Variants in TMTC1 observed in about 807,000 individuals in gnomAD.
TMTC1 encodes the protein transmembrane O-mannosyltransferase targeting cadherins 1.
TMTC1 carries 73 observed loss-of-function variants against 104.8 expected under a neutral mutation model. The ratio of observed to expected loss-of-function variants is 0.70; its 90% CI spans 0.58 to 0.85. The LOEUF (loss-of-function observed/expected upper bound fraction) is 0.85. Ranked by LOEUF, TMTC1 falls within the 40% of genes least tolerant of loss-of-function variation. TMTC1 has a pLI of 0.00. For synonymous variants in TMTC1, 434 were observed against 428.7 expected (o/e 1.01, Z -0.15); for missense variants, 1,035 against 1,096.1 (o/e 0.94, Z 0.79).
At chr12:29,544,746 T>C (rs1738978570) in intron 10 of TMTC1, among the ~76,000 whole-genome samples, 1 of 152,218 alleles carries the variant, frequency 6.6e-6, no homozygotes, top group Non-Finnish European at 1.5e-5. Context: ...TGCTCCCAGG[T>C]AGGGACCTAA....
intron 8 of TMTC1, among the ~76,000 whole-genome samples, chr12:29,573,379 C>A (rs1945734624): frequency 6.6e-6 from 1 of 152,216 alleles, no homozygotes. Context: ...GCAAGCATTT[C>A]TCTAAGCTGA....
chr12:29,662,227 C>G (rs1940063291), intron 5 of TMTC1, among the ~76,000 whole-genome samples: 1 of 152,032 alleles, frequency 6.6e-6, no homozygotes, highest in African/African-American at 2.4e-5. Context: ...GGGGTTTTCC[C>G]CAACAAAATT....
At chr12:29,668,707 C>A (rs549709216) in intron 5 of TMTC1, among the ~76,000 whole-genome samples, 2 of 152,064 alleles carry the variant, frequency 1.3e-5, no homozygotes, top group African/African-American at 4.8e-5. Flanking sequence ...GTGATCCACC[C>A]ACCTTGGCCT....
At chr12:29,780,592 G>A (rs1396689218) in intron 1 of TMTC1, among the ~76,000 whole-genome samples, 1 of 148,918 alleles carries the variant, frequency 6.7e-6, no homozygotes, top group Non-Finnish European at 1.5e-5. Context: ...CTTGACTGTG[G>A]AGGTACTCTC....
At chr12:29,568,060 A>G (rs548701458) in intron 9 of TMTC1, among the ~76,000 whole-genome samples, 35 of 152,334 alleles carry the variant, frequency 2.3e-4, no homozygotes, top group African/African-American at 8.4e-4. Flanking sequence ...CCTGTGATCC[A>G]TATGGGAGGG....
chr12:29,772,411 T>C (rs1220133413), intron 1 of TMTC1, among the ~76,000 whole-genome samples: 1 of 152,184 alleles, frequency 6.6e-6, no homozygotes, highest in Non-Finnish European at 1.5e-5. Context: ...TGAGCCTGCA[T>C]GACTATCACA....
chr12:29,762,710 GTTCA>G (rs1278966100), intron 2 of TMTC1, among the ~76,000 whole-genome samples: 1 of 152,190 alleles, frequency 6.6e-6, no homozygotes, highest in Non-Finnish European at 1.5e-5. Flanking sequence ...ACCACATGCT[GTTCA>G]TTGATTCATT....
chr12:29,536,060 G>A (rs1944633255), intron 11 of TMTC1, 149 bp downstream of exon 11: 5 of 625,686 alleles, frequency 8.0e-6, no homozygotes, highest in Admixed American at 3.0e-5. Context: ...AGAAAATTAG[G>A]CTTGTAATTT....
chr12:29,612,381 T>A (rs1218277258), intron 6 of TMTC1, among the ~76,000 whole-genome samples: 1 of 152,170 alleles, frequency 6.6e-6, no homozygotes, highest in African/African-American at 2.4e-5. Flanking sequence ...TGTGAAAGGT[T>A]TGAAATGGTT....
chr12:29,643,829 TTA>T (rs765197893), intron 5 of TMTC1, among the ~76,000 whole-genome samples: 4,547 of 75,186 alleles, frequency 0.06, 232 homozygotes, highest in Non-Finnish European at 0.067. Flanking sequence ...ATTTATATAT[TTA>T]TATATATTTA....
chr12:29,595,132 A>C (rs187027095), intron 7 of TMTC1, among the ~76,000 whole-genome samples: 1 of 152,312 alleles, frequency 6.6e-6, no homozygotes, highest in Admixed American at 6.5e-5. Flanking sequence ...TTTTACTTTC[A>C]AATCCTGATT....
intron 5 of TMTC1, among the ~76,000 whole-genome samples, chr12:29,639,626 C>A (rs982743781): frequency 2.0e-5 from 3 of 152,168 alleles, no homozygotes; most frequent in Admixed American, 1.3e-4. Flanking sequence ...CACTCCTAAG[C>A]AATTCCACCC....
chr12:29,525,158 CTTTTTTTTTTTTTTTTTTTTTTT>C (rs56395403), intron 11 of TMTC1, among the ~76,000 whole-genome samples: 9 of 46,160 alleles, frequency 1.9e-4, no homozygotes, highest in Admixed American at 3.8e-4. Flanking sequence ...CAAGGGCAGT[CTTTTTTTTTTTTTTTTTTTTTTT>C]TTTTTTTTTT....
At chr12:29,667,765 T>C (rs2033029) in intron 5 of TMTC1, among the ~76,000 whole-genome samples, 84,391 of 152,006 alleles carry the variant, frequency 0.56, 23,653 homozygotes, top group African/African-American at 0.63. Flanking sequence ...ATAGCAAAAA[T>C]TTCAGACATC....
intron 6 of TMTC1, among the ~76,000 whole-genome samples, chr12:29,611,083 C>T (rs1273685014): frequency 3.3e-5 from 5 of 152,188 alleles, no homozygotes; most frequent in Non-Finnish European, 7.3e-5. Flanking sequence ...AGAGGCACTG[C>T]CAGATGTACT....
At chr12:29,589,955 A>G (rs1191832628) in intron 7 of TMTC1, among the ~76,000 whole-genome samples, 1 of 152,220 alleles carries the variant, frequency 6.6e-6, no homozygotes, top group Non-Finnish European at 1.5e-5. Flanking sequence ...AGAAGCTAGG[A>G]ATGGGCTAGA....
chr12:29,530,585 TCA>T (rs1470105749), intron 11 of TMTC1, among the ~76,000 whole-genome samples: 1 of 152,154 alleles, frequency 6.6e-6, no homozygotes, highest in African/African-American at 2.4e-5. Context: ...TCATAAATAT[TCA>T]CAGTTCCTCC....
intron 1 of TMTC1, among the ~76,000 whole-genome samples, chr12:29,777,602 A>C (rs1592044925): frequency 9.6e-6 from 1 of 104,632 alleles, no homozygotes; most frequent in Admixed American, 1.2e-4. Flanking sequence ...CTCCTACACT[A>C]CCAGACTGTA....
intron 9 of TMTC1, among the ~76,000 whole-genome samples, chr12:29,566,090 G>A (rs1053139926): frequency 6.6e-6 from 1 of 152,152 alleles, no homozygotes; most frequent in Non-Finnish European, 1.5e-5. Context: ...AACAGGGGAT[G>A]CTGGTGGTGC....
Sources: allele counts gnomAD v4.1 joint callset (sites outside exome capture counted in the v4.1 genomes callset), GRCh38; gene constraint gnomAD v4.1.1; transcripts MANE v1.5; gene names NCBI Gene and HGNC (gene_info 2026-07-23, HGNC 2026-07-21).